Variants in ATP8A2 observed in about 807,000 individuals in gnomAD.
The protein encoded by ATP8A2 is phospholipid-transporting ATPase IB.
ATP8A2 carries 100 observed loss-of-function variants against 165.6 expected under a neutral mutation model. The ratio of observed to expected loss-of-function variants is 0.60; its 90% CI spans 0.51 to 0.71. The LOEUF is 0.71. Among genes scored for constraint, ATP8A2 ranks in the 30% least tolerant of loss-of-function variants. The pLI is 0.00. For synonymous variants in ATP8A2, 543 were observed against 548.8 expected (o/e 0.99, Z 0.15); for missense variants, 1,227 against 1,479.5 (o/e 0.83, Z 2.80).
At chr13:25,850,682 A>G (rs1951984706) in intron 30 of ATP8A2, among the ~76,000 whole-genome samples, 1 of 152,206 alleles carries the variant, frequency 6.6e-6, no homozygotes, top group Admixed American at 6.5e-5. Context: ...AAAGACTCTC[A>G]GAGTGGTAGA....
chr13:25,472,072 G>A (rs1280527845), intron 2 of ATP8A2, among the ~76,000 whole-genome samples: 4 of 152,036 alleles, frequency 2.6e-5, no homozygotes, highest in Non-Finnish European at 5.9e-5. Flanking sequence ...AATTACTAAT[G>A]GTTATCAGTG....
At chr13:26,016,895 T>C (rs1956988825) in intron 36 of ATP8A2, among the ~76,000 whole-genome samples, 1 of 152,118 alleles carries the variant, frequency 6.6e-6, no homozygotes, top group Admixed American at 6.5e-5. Flanking sequence ...CCTTGCCTGG[T>C]CCAGGCCATT....
chr13:25,537,952 T>C, intron 6 of ATP8A2, 36 bp from the exon 7 acceptor site: 1 of 1,473,854 alleles, frequency 6.8e-7, no homozygotes, highest in East Asian at 2.3e-5. Flanking sequence ...GTTTCTTTTC[T>C]TTCGTGCCCC....
At chr13:25,427,292 A>G (rs2034478932) in intron 1 of ATP8A2, among the ~76,000 whole-genome samples, 1 of 151,918 alleles carries the variant, frequency 6.6e-6, no homozygotes, top group African/African-American at 2.4e-5. Context: ...CTAATGCCTG[A>G]TGATCTGTCA....
At chr13:25,544,898 T>C (rs1379647860) in intron 10 of ATP8A2, among the ~76,000 whole-genome samples, 3 of 146,846 alleles carry the variant, frequency 2.0e-5, no homozygotes, top group Admixed American at 1.4e-4. Flanking sequence ...ATGGCGTGAA[T>C]TTTATGAGTG....
intron 33 of ATP8A2, among the ~76,000 whole-genome samples, chr13:25,934,216 T>C (rs73472969): frequency 0.012 from 1,789 of 152,320 alleles, 41 homozygotes; most frequent in African/African-American, 0.041. Flanking sequence ...CTGTATAGGA[T>C]TTCTAGTATG....
chr13:25,465,812 T>C (rs1322160090), intron 1 of ATP8A2, among the ~76,000 whole-genome samples: 6 of 144,544 alleles, frequency 4.2e-5, no homozygotes, highest in African/African-American at 1.5e-4. Context: ...TTGGTAGAGA[T>C]GAGGTCTTGC....
intron 25 of ATP8A2, among the ~76,000 whole-genome samples, chr13:25,707,929 GT>G (rs1415197176): frequency 6.6e-6 from 1 of 152,146 alleles, no homozygotes; most frequent in African/African-American, 2.4e-5. Flanking sequence ...TGGTAATAGG[GT>G]CTGTGTGATC....
intron 24 of ATP8A2, among the ~76,000 whole-genome samples, chr13:25,655,301 A>T (rs1251309098): frequency 2.6e-5 from 4 of 152,176 alleles, no homozygotes; most frequent in Admixed American, 1.3e-4. Flanking sequence ...CTGGGATTAC[A>T]GGCATCTGCC....
chr13:25,756,781 G>C (rs2044272196), intron 25 of ATP8A2, among the ~76,000 whole-genome samples: 1 of 152,234 alleles, frequency 6.6e-6, no homozygotes, highest in East Asian at 1.9e-4. Flanking sequence ...TGCGAAATCA[G>C]CACTTGCTGC....
intron 25 of ATP8A2, chr13:25,705,232 T>G: frequency 5.1e-6 from 2 of 393,218 alleles, no homozygotes; most frequent in Non-Finnish European, 9.8e-6. Flanking sequence ...CTTTGACCTC[T>G]TGAGAACACT....
At chr13:25,884,240 T>G (rs957319084) in intron 33 of ATP8A2, among the ~76,000 whole-genome samples, 1 of 152,168 alleles carries the variant, frequency 6.6e-6, no homozygotes, top group African/African-American at 2.4e-5. Context: ...CTCTGTTCCC[T>G]TCTCCATCAC....
chr13:25,617,920 A>C (rs1327052160), intron 24 of ATP8A2, among the ~76,000 whole-genome samples: 2 of 152,158 alleles, frequency 1.3e-5, no homozygotes, highest in Non-Finnish European at 2.9e-5. Context: ...AAATTATGTG[A>C]AAGTTCCCAA....
At chr13:25,659,798 T>C (rs2042011816) in intron 24 of ATP8A2, among the ~76,000 whole-genome samples, 1 of 152,206 alleles carries the variant, frequency 6.6e-6, no homozygotes, top group Non-Finnish European at 1.5e-5. Context: ...TGTGATGTCA[T>C]TGAATTAATA....
chr13:25,398,236 C>T (rs1458198375), intron 1 of ATP8A2, among the ~76,000 whole-genome samples: 2 of 152,128 alleles, frequency 1.3e-5, no homozygotes, highest in Non-Finnish European at 2.9e-5. Flanking sequence ...AGCCTGTTAT[C>T]TGTCATGTGA....
intron 1 of ATP8A2, among the ~76,000 whole-genome samples, chr13:25,430,254 G>A (rs2078575788): frequency 6.6e-6 from 1 of 151,992 alleles, no homozygotes; most frequent in African/African-American, 2.4e-5. Context: ...AGCCTGAGAC[G>A]GGGGCTGAAA....
intron 35 of ATP8A2, 96 bp from the exon 36 acceptor site, chr13:26,012,435 G>A (rs1956868274): frequency 1.0e-6 from 1 of 968,420 alleles, no homozygotes. Context: ...ACGTGGGGAG[G>A]TGATCCCCCA....
chr13:25,529,142 A>G (rs902905362), intron 2 of ATP8A2, among the ~76,000 whole-genome samples: 1 of 152,096 alleles, frequency 6.6e-6, no homozygotes, highest in African/African-American at 2.4e-5. Context: ...ATCTTGCTAG[A>G]ATATATTATA....
chr13:25,981,779 T>C (rs1956173808), intron 35 of ATP8A2, among the ~76,000 whole-genome samples: 1 of 152,178 alleles, frequency 6.6e-6, no homozygotes, highest in South Asian at 2.1e-4. Flanking sequence ...AAAATACAGA[T>C]GGATACATTC....
Sources: gnomAD v4.1 joint callset for allele counts (sites outside exome capture counted in the v4.1 genomes callset) on GRCh38, gnomAD v4.1.1 for gene constraint, MANE v1.5 for transcripts, NCBI Gene and HGNC (gene_info 2026-07-23, HGNC 2026-07-21) for gene names.